Variants in RUNX2 observed in about 807,000 individuals in gnomAD.
RUNX2 encodes runt-related transcription factor 2.
A neutral mutation model predicts 51.7 loss-of-function variants in RUNX2; 10 were observed. The ratio of observed to expected loss-of-function variants is 0.19; its 90% confidence interval spans 0.12 to 0.33. The LOEUF (loss-of-function observed/expected upper bound fraction) is 0.33. Among genes scored for constraint, RUNX2 ranks in the 10% least tolerant of loss-of-function variants. The pLI is 1.00. For synonymous variants in RUNX2, 276 were observed against 273.6 expected (o/e 1.01, Z -0.09); for missense variants, 562 against 691.3 (o/e 0.81, Z 2.10).
intron 5 of RUNX2, among the ~76,000 whole-genome samples, chr6:45,441,383 G>C (rs1376998196): frequency 6.6e-6 from 1 of 152,186 alleles, no homozygotes; most frequent in Non-Finnish European, 1.5e-5. Context: ...TTTATTAACT[G>C]TATGGAGGCA....
intron 2 of RUNX2, among the ~76,000 whole-genome samples, chr6:45,350,079 T>A (rs1791705274): frequency 6.6e-6 from 1 of 152,202 alleles, no homozygotes; most frequent in African/African-American, 2.4e-5. Flanking sequence ...TACACAAAAC[T>A]ATAAACTGCA....
chr6:45,493,196 T>G (rs963370126), intron 6 of RUNX2, among the ~76,000 whole-genome samples: 10 of 152,208 alleles, frequency 6.6e-5, no homozygotes, highest in African/African-American at 2.2e-4. Flanking sequence ...TCGGAATGTA[T>G]GAGTTTGCAT....
chr6:45,437,983 A>G lies in RUNX2; in HGVS notation c.617A>G (p.Asn206Ser). The G allele has an allele frequency of 6.2e-7, 1 of 1,613,572 alleles. No homozygotes were observed. The highest frequency in any genetic ancestry group is 2.2e-5 in the East Asian group (1 of 44,844). The change falls in exon 5 of 9, where the codon AAT becomes AGT. Residue 206 changes from asparagine to serine, a missense_variant. Physicochemically the swap from Asn to Ser is conservative, Grantham distance 46. Around this residue, in one of 5 missense-constraint regions of RUNX2, gnomAD observed 37 missense variants for 66.5 expected, o/e 0.56. Coordinates refer to ENST00000647337, the MANE Select transcript of RUNX2 (RefSeq NM_001024630.4). ...SFTLTITVFT[N>S]PPQVATYHRA... ...ACCTTGACCATAACCGTCTTCACAA[A>G]TCCTCCCCAAGTAGCTACCTATCAC...
chr6:45,466,050 AT>A (rs1238780316), intron 5 of RUNX2, among the ~76,000 whole-genome samples: 30 of 152,198 alleles, frequency 2.0e-4, no homozygotes, highest in Admixed American at 2.0e-3. Flanking sequence ...GCAGTGGCTC[AT>A]GCCTGTAATC....
At chr6:45,434,037 A>G (rs535075843) in intron 4 of RUNX2, among the ~76,000 whole-genome samples, 2 of 152,250 alleles carry the variant, frequency 1.3e-5, no homozygotes, top group Admixed American at 6.5e-5. Flanking sequence ...CAAGACTTAG[A>G]TGGGGGGTAG....
Position 45,545,226 on chromosome 6 carries a change from C to T in RUNX2, c.1031C>T (p.Thr344Ile), listed in dbSNP as rs1354211513. 11 of 1,549,474 alleles carry T rather than the reference C, an allele frequency of 7.1e-6. No individual in the cohort carries two copies. Among genetic ancestry groups the T allele is most frequent in the Non-Finnish European group, 7.0e-6 (8 of 1,146,692 alleles). ...CCCCCTCATTTTACAGATGATGACACTGCCACCTCTGACTTCTGCCTCTGG... is the reference window on the plus strand; with the variant it reads ...CCCCCTCATTTTACAGATGATGACATTGCCACCTCTGACTTCTGCCTCTGG... ...DVPRRISDDD[T>I]ATSDFCLWPS... The change falls in exon 8 of 9, where the codon ACT becomes ATT. Residue 344 changes from threonine to isoleucine, a missense_variant. This residue lies in a region of RUNX2 where 304 missense variants were observed against 353.2 expected (regional missense o/e 0.86). Transcript: ENST00000647337.
chr6:45,339,663 T>C (rs1789351511), intron 2 of RUNX2, among the ~76,000 whole-genome samples: 1 of 152,166 alleles, frequency 6.6e-6, no homozygotes, highest in Admixed American at 6.5e-5. Context: ...ATTAATATTC[T>C]TATTTTTCTA....
At chr6:45,493,730 C>CTG (rs34362546) in intron 6 of RUNX2, among the ~76,000 whole-genome samples, 56,104 of 146,880 alleles carry the variant, frequency 0.38, 10,443 homozygotes, top group African/African-American at 0.46. Flanking sequence ...AATCCTTAGA[C>CTG]TGTGTGTGTG....
At chr6:45,423,409 G>A (rs947035530) in intron 3 of RUNX2, among the ~76,000 whole-genome samples, 3 of 152,112 alleles carry the variant, frequency 2.0e-5, no homozygotes, top group Admixed American at 6.5e-5. Flanking sequence ...ATCCCGGCCT[G>A]GCCGCATTGC....
intron 3 of RUNX2, among the ~76,000 whole-genome samples, chr6:45,427,364 A>C (rs1798412275): frequency 6.6e-6 from 1 of 152,106 alleles, no homozygotes; most frequent in South Asian, 2.1e-4. Context: ...CTTTACATTG[A>C]AATAATTTTT....
intron 6 of RUNX2, among the ~76,000 whole-genome samples, chr6:45,496,728 A>G (rs912641608): frequency 6.6e-6 from 1 of 152,162 alleles, no homozygotes; most frequent in African/African-American, 2.4e-5. Flanking sequence ...CAAGGGAATG[A>G]CATTATGTCA....
intron 5 of RUNX2, among the ~76,000 whole-genome samples, chr6:45,449,631 T>C (rs755268962): frequency 5.9e-5 from 9 of 152,208 alleles, no homozygotes; most frequent in Non-Finnish European, 1.2e-4. Context: ...ATAAGAAGCA[T>C]GCTTAATGCT....
chr6:45,375,598 G>GC (rs150263698), intron 2 of RUNX2, among the ~76,000 whole-genome samples: 18,728 of 151,716 alleles, frequency 0.12, 1,321 homozygotes, highest in African/African-American at 0.19. Flanking sequence ...CAGGCTGGAA[G>GC]CCTGGCCTGA....
chr6:45,471,138 G>A (rs1050605096), intron 5 of RUNX2, among the ~76,000 whole-genome samples: 5 of 152,088 alleles, frequency 3.3e-5, no homozygotes, highest in Non-Finnish European at 5.9e-5. Flanking sequence ...AATTACTACT[G>A]CATTTTTTCC....
At chr6:45,476,524 C>G (rs2087896155) in intron 5 of RUNX2, among the ~76,000 whole-genome samples, 1 of 152,170 alleles carries the variant, frequency 6.6e-6, no homozygotes, top group South Asian at 2.1e-4. Context: ...GTGACACATA[C>G]AGAGCCATTG....
chr6:45,442,106 G>C (rs1294358407), intron 5 of RUNX2, among the ~76,000 whole-genome samples: 1 of 152,198 alleles, frequency 6.6e-6, no homozygotes, highest in Non-Finnish European at 1.5e-5. Context: ...TTGCAGTTGT[G>C]ATTCATCTCG....
chr6:45,422,333 A>C, intron 2 of RUNX2: 25 of 424,642 alleles, frequency 5.9e-5, no homozygotes, highest in Non-Finnish European at 8.0e-5. Context: ...GACTCCGGCA[A>C]AGATCTGCGC....
At chr6:45,500,058 T>C (rs1800760817) in intron 6 of RUNX2, among the ~76,000 whole-genome samples, 2 of 152,212 alleles carry the variant, frequency 1.3e-5, no homozygotes, top group Admixed American at 6.5e-5. Context: ...AGGAGATTAA[T>C]GTTGAAGGAA....
chr6:45,467,523 C>A (rs1235612840), intron 5 of RUNX2, among the ~76,000 whole-genome samples: 1 of 152,116 alleles, frequency 6.6e-6, no homozygotes, highest in Non-Finnish European at 1.5e-5. Flanking sequence ...CTCAAGTGAT[C>A]CACCTGCTTC....
Sources: allele counts gnomAD v4.1 joint callset (sites outside exome capture counted in the v4.1 genomes callset), GRCh38; gene constraint gnomAD v4.1.1; regional missense constraint gnomAD v4.1.1; transcripts MANE v1.5; gene names NCBI Gene and HGNC (gene_info 2026-07-23, HGNC 2026-07-21).